RAD51B: variants seen among roughly 807,000 people sequenced by gnomAD.
RAD51B encodes the protein DNA repair protein RAD51 homolog 2.
A neutral mutation model predicts 42.2 loss-of-function variants in RAD51B; 38 were observed. The observed-to-expected ratio is 0.90, with a 90% confidence interval of 0.70 to 1.18. The LOEUF is 1.18. RAD51B is among the 50% of genes most tolerant of loss of function. The pLI, the probability that RAD51B is intolerant of heterozygous loss-of-function variation, is 0.00. For missense variants in RAD51B, 373 were observed against 400.7 expected (o/e 0.93, Z 0.59); for synonymous variants, 154 against 145.2 (o/e 1.06, Z -0.43).
chr14:68,050,826 A>AGG, intron 7 of RAD51B, among the ~76,000 whole-genome samples: 1 of 152,108 alleles, frequency 6.6e-6, no homozygotes, highest in Middle Eastern at 3.4e-3. Context: ...ATAAATGGGG[A>AGG]GGGGGAGTGT....
intron 7 of RAD51B, among the ~76,000 whole-genome samples, chr14:68,132,501 T>C (rs2077914634): frequency 6.6e-6 from 1 of 152,222 alleles, no homozygotes; most frequent in African/African-American, 2.4e-5. Context: ...ATGGACTTCT[T>C]ATTCATAGTA....
chr14:67,911,017 T>C (rs998757677), intron 7 of RAD51B, among the ~76,000 whole-genome samples: 2 of 152,034 alleles, frequency 1.3e-5, no homozygotes, highest in African/African-American at 2.4e-5. Context: ...GAGGTGTCAC[T>C]GTGTTGGCCA....
intron 8 of RAD51B, among the ~76,000 whole-genome samples, chr14:68,411,179 A>G (rs2084409617): frequency 6.6e-6 from 1 of 152,176 alleles, no homozygotes; most frequent in African/African-American, 2.4e-5. Context: ...TTTTTGATAT[A>G]TAACTCTGTT....
At chr14:68,430,655 C>T (rs975244815) in intron 9 of RAD51B, among the ~76,000 whole-genome samples, 8 of 152,178 alleles carry the variant, frequency 5.3e-5, no homozygotes, top group African/African-American at 4.8e-5. Flanking sequence ...TAGGCTGAGA[C>T]GATGGGGTTT....
At chr14:68,404,147 C>A (rs2084198256) in intron 8 of RAD51B, among the ~76,000 whole-genome samples, 1 of 152,124 alleles carries the variant, frequency 6.6e-6, no homozygotes. Flanking sequence ...TGAAAATCCT[C>A]AAAAATGAAA....
chr14:68,001,835 A>G (rs2075490347), intron 7 of RAD51B, among the ~76,000 whole-genome samples: 1 of 152,166 alleles, frequency 6.6e-6, no homozygotes, highest in African/African-American at 2.4e-5. Context: ...GCCGAGGATA[A>G]TGGCCTCCAG....
intron 7 of RAD51B, among the ~76,000 whole-genome samples, chr14:67,926,504 C>CT (rs1468148097): frequency 3.3e-5 from 5 of 149,424 alleles, no homozygotes; most frequent in Non-Finnish European, 5.9e-5. Flanking sequence ...TCAACAAGTC[C>CT]TTTTTTCTCT....
At chr14:68,631,170 A>C (rs969913513) in intron 10 of RAD51B, among the ~76,000 whole-genome samples, 1 of 152,214 alleles carries the variant, frequency 6.6e-6, no homozygotes, top group Non-Finnish European at 1.5e-5. Flanking sequence ...CATATATGAA[A>C]TTCTGGACGT....
intron 10 of RAD51B, chr14:68,497,485 GT>G (rs371293516): frequency 0.02 from 14,902 of 746,058 alleles, 10 homozygotes; most frequent in East Asian, 0.027. Flanking sequence ...GAACACATAG[GT>G]TTTTTTTTTT....
chr14:68,611,069 C>G, exon 11 of RAD51B: 1 of 703,154 alleles, frequency 1.4e-6, no homozygotes, highest in Non-Finnish European at 2.6e-6. Flanking sequence ...GACTCACATC[C>G]CAGCCCTACC....
intron 11 of RAD51B, among the ~76,000 whole-genome samples, chr14:68,674,049 T>A: frequency 6.6e-6 from 1 of 151,938 alleles, no homozygotes; most frequent in Non-Finnish European, 1.5e-5. Context: ...CATATATACA[T>A]CCACACACAT....
At chr14:68,228,497 T>C (rs1000756418) in intron 7 of RAD51B, among the ~76,000 whole-genome samples, 12 of 152,150 alleles carry the variant, frequency 7.9e-5, no homozygotes, top group Non-Finnish European at 1.2e-4. Flanking sequence ...AGTGTGAAAA[T>C]TTGCTGAAAA....
chr14:68,347,631 C>A (rs2082701224), intron 8 of RAD51B, among the ~76,000 whole-genome samples: 1 of 152,202 alleles, frequency 6.6e-6, no homozygotes, highest in Admixed American at 6.5e-5. Context: ...ATGATTGTGC[C>A]ACTGCACGCC....
At chr14:68,631,653 G>A (rs140382842) in intron 10 of RAD51B, among the ~76,000 whole-genome samples, 48 of 152,260 alleles carry the variant, frequency 3.2e-4, no homozygotes, top group Admixed American at 3.0e-3. Flanking sequence ...TTGGGCACTC[G>A]TCCCTTTACC....
At chr14:68,400,999 G>A (rs1444162517) in intron 8 of RAD51B, among the ~76,000 whole-genome samples, 1 of 152,214 alleles carries the variant, frequency 6.6e-6, no homozygotes, top group Non-Finnish European at 1.5e-5. Flanking sequence ...GAGTTGAGCT[G>A]ATGGGAGGAG....
intron 7 of RAD51B, among the ~76,000 whole-genome samples, chr14:68,144,627 C>T (rs1158117041): frequency 1.3e-5 from 2 of 152,082 alleles, no homozygotes; most frequent in Non-Finnish European, 2.9e-5. Flanking sequence ...ACTATCTTGC[C>T]CTATACCTGG....
intron 10 of RAD51B, among the ~76,000 whole-genome samples, chr14:68,551,894 A>C (rs558458902): frequency 6.6e-6 from 1 of 152,226 alleles, no homozygotes; most frequent in South Asian, 2.1e-4. Flanking sequence ...TTGAACCCTT[A>C]TTTGTCCCCT....
At chr14:68,598,456 T>A (rs1474946257), downstream of RAD51B, among the ~76,000 whole-genome samples, 1 of 152,050 alleles carries the variant, frequency 6.6e-6, no homozygotes, top group Non-Finnish European at 1.5e-5. Context: ...AATCGCAGAG[T>A]GTCTAATACT....
intron 7 of RAD51B, among the ~76,000 whole-genome samples, chr14:68,207,887 C>A (rs1205082342): frequency 6.6e-6 from 1 of 151,878 alleles, no homozygotes; most frequent in Non-Finnish European, 1.5e-5. Flanking sequence ...AACAAGTCAG[C>A]TCACGTTAAT....
Sources: allele counts gnomAD v4.1 joint callset (sites outside exome capture counted in the v4.1 genomes callset), GRCh38; gene constraint gnomAD v4.1.1; transcripts MANE v1.5; gene names NCBI Gene and HGNC (gene_info 2026-07-23, HGNC 2026-07-21).